The following RPL31 variants were observed in gnomAD, a reference collection of about 807,000 sequenced individuals.
The protein encoded by RPL31 is ribosomal protein L31.
For missense variants in RPL31, 95 were observed against 164.0 expected (o/e 0.58, Z 2.30); for synonymous variants, 51 against 55.0 (o/e 0.93, Z 0.32).
downstream of RPL31, among the ~76,000 whole-genome samples, chr2:101,009,707 CA>C (rs1679044994): frequency 6.6e-6 from 1 of 151,926 alleles, no homozygotes; most frequent in Non-Finnish European, 1.5e-5. Flanking sequence ...ACTAATCCCA[CA>C]AGATGTTTTG....
downstream of RPL31, chr2:101,011,012 A>C: frequency 6.2e-7 from 1 of 1,612,590 alleles, no homozygotes; most frequent in Non-Finnish European, 8.5e-7. Context: ...TGTTTCTGAT[A>C]ATCAACTGCA....
downstream of RPL31, among the ~76,000 whole-genome samples, chr2:101,010,743 G>A (rs1047954557): frequency 2.0e-5 from 3 of 151,996 alleles, no homozygotes; most frequent in South Asian, 4.2e-4. Context: ...ATAGCCAGAC[G>A]TGGTTGCACA....
rs891693925 is a variant in RPL31 at position 101,018,116 on chromosome 2, A to C, written c.347-882A>C. ...GAATCCAATCAACACTTTTTCATAT[A>C]AAGTTTTCAGAATAACAAAGCTTTC... is the stretch of plus-strand genomic sequence containing the variant. On this transcript the variant is annotated intron_variant, in intron 4 of 4. Transcript: ENST00000409028. 2.0e-4 allele frequency: 113 copies of C among 563,162 alleles called. No individual in the cohort carries two copies. In the East Asian group the frequency reaches 3.3e-3, roughly 16 times the overall value. The allele number at this position is 563,162 out of a possible 1,614,324, so 34.9% of individuals were successfully genotyped here.
At chr2:101,014,704 A>G (rs1243175151) in intron 4 of RPL31, among the ~76,000 whole-genome samples, 1 of 152,186 alleles carries the variant, frequency 6.6e-6, no homozygotes, top group Non-Finnish European at 1.5e-5. Flanking sequence ...GTTCCAGCAG[A>G]TATCTTGACA....
chr2:101,005,886 A>T (rs1338978848), intron 3 of RPL31, 73 bp from the exon 4 acceptor site: 3 of 1,243,600 alleles, frequency 2.4e-6, no homozygotes. Context: ...CATATGAGAT[A>T]TGTGAATACA....
downstream of RPL31, chr2:101,011,307 T>C (rs1290281927): frequency 1.0e-5 from 9 of 889,116 alleles, no homozygotes; most frequent in South Asian, 1.6e-5. Context: ...ACTTCTGTCC[T>C]CTAAAGGCAG....
intron 4 of RPL31, chr2:101,017,849 T>C: frequency 6.4e-7 from 1 of 1,550,748 alleles, no homozygotes; most frequent in Non-Finnish European, 8.7e-7. Context: ...TACATGCAAT[T>C]CCCAATTAGG....
chr2:101,011,284 C>A, downstream of RPL31: 1 of 751,156 alleles, frequency 1.3e-6, no homozygotes, highest in Non-Finnish European at 2.1e-6. Flanking sequence ...CCAGCAACAC[C>A]CCCACTAGGA....
chr2:101,008,201 G>A (rs1678887630), downstream of RPL31: 1 of 1,609,246 alleles, frequency 6.2e-7, no homozygotes, highest in South Asian at 1.1e-5. Flanking sequence ...GCGATGGCTT[G>A]ATACAAATCA....
downstream of RPL31, chr2:101,008,354 T>C (rs1017281397): frequency 1.8e-6 from 2 of 1,117,798 alleles, no homozygotes; most frequent in Non-Finnish European, 1.2e-6. Flanking sequence ...CTGTGAGCTT[T>C]GAGAAAACGA....
intron 4 of RPL31, 68 bp downstream of exon 4, chr2:101,006,139 A>AT (rs780684538): frequency 3.3e-5 from 52 of 1,572,146 alleles, no homozygotes; most frequent in Non-Finnish European, 4.4e-5. Context: ...TAAAATGTGA[A>AT]TTCATCTGTT....
intron 4 of RPL31, among the ~76,000 whole-genome samples, chr2:101,012,497 CAGAA>C (rs1424677757): frequency 6.6e-6 from 1 of 152,052 alleles, no homozygotes; most frequent in African/African-American, 2.4e-5. Context: ...TCTACAGAAA[CAGAA>C]AGCTGCCTAC....
In RPL31 at chr2:101,005,960, A is replaced by T; in HGVS notation, c.235A>T (p.Asn79Tyr). Residue 79 changes from asparagine (N) to tyrosine (Y), a missense_variant and splice_region_variant, in exon 4 of 5, where the codon AAT becomes TAT. Physicochemically the swap from Asn to Tyr is moderately radical, Grantham distance 143 (BLOSUM62 -2). Transcript: ENST00000264258. ...GCAACACAATTATGTTTTTATTAGG[A>T]ATGTGCCATACCGAATCCGTGTGCG... ...NKAVWAKGIR[N>Y]VPYRIRVRLS... The T allele has an allele frequency of 6.2e-7, 1 of 1,611,566 alleles. No homozygotes were observed. The highest frequency in any genetic ancestry group is 8.5e-7 in the Non-Finnish European group (1 of 1,179,396).
chr2:101,010,437 G>A (rs2105358274), downstream of RPL31, among the ~76,000 whole-genome samples: 1 of 152,236 alleles, frequency 6.6e-6, no homozygotes, highest in African/African-American at 2.4e-5. Context: ...TGAAGTGTGT[G>A]GCAGCCTCCT....
At chr2:101,009,198 C>T (rs1678986252), downstream of RPL31, among the ~76,000 whole-genome samples, 1 of 122,280 alleles carries the variant, frequency 8.2e-6, no homozygotes, top group Non-Finnish European at 2.0e-5. Flanking sequence ...TTGAGACCAT[C>T]CTGGCTAACA....
downstream of RPL31, among the ~76,000 whole-genome samples, chr2:101,009,548 A>T (rs941734517): frequency 1.3e-5 from 2 of 152,168 alleles, no homozygotes; most frequent in African/African-American, 2.4e-5. Flanking sequence ...TAGAAAAAAA[A>T]AGGTTATGTG....
downstream of RPL31, among the ~76,000 whole-genome samples, chr2:101,009,627 G>A (rs1035454194): frequency 2.6e-5 from 4 of 151,962 alleles, no homozygotes; most frequent in Non-Finnish European, 5.9e-5. Flanking sequence ...TATCCAGAGA[G>A]TAGAATGAGC....
rs1331086385 is a variant in RPL31, at chr2:101,005,939, C to T, written c.234-20C>T. ...TGAAAGGAGGCATTGACTTCAGCAA[C>T]ACAATTATGTTTTTATTAGGAATGT... On this transcript the variant is annotated intron_variant, in intron 3 of 4. Coordinates refer to ENST00000264258, the MANE Select transcript of RPL31 (RefSeq NM_000993.5). The T allele has an allele frequency of 6.9e-6, 11 of 1,604,504 alleles. No individual in the cohort carries two copies. Among genetic ancestry groups the T allele is most frequent in the African/African-American group, 1.3e-5 (1 of 74,598 alleles).
chr2:101,004,770 A>C (rs1297942785), intron 3 of RPL31: 2 of 158,966 alleles, frequency 1.3e-5, no homozygotes, highest in Admixed American at 1.3e-4. Context: ...ACTACTAAAC[A>C]TCCTACAACT....
Sources: allele counts gnomAD v4.1 joint callset (sites outside exome capture counted in the v4.1 genomes callset), GRCh38; gene constraint gnomAD v4.1.1; transcripts MANE v1.5; gene names NCBI Gene and HGNC (gene_info 2026-07-23, HGNC 2026-07-21).